GMDS: variants seen among roughly 807,000 people sequenced by gnomAD.
The protein encoded by GMDS is GDP-mannose 4,6-dehydratase, also known as GDP-mannose 4,6 dehydratase.
GMDS carries 20 observed loss-of-function variants against 49.9 expected under a neutral mutation model. That is an observed-to-expected ratio of 0.40 (90% CI 0.28 to 0.58). The LOEUF is 0.58. GMDS is among the 20% of genes least tolerant of loss of function. The probability of loss-of-function intolerance (pLI) is 0.42; values close to 1 mark genes in which losing one functional copy is unlikely to be tolerated. For synonymous variants in GMDS, 177 were observed against 178.6 expected, an observed-to-expected ratio of 0.99 and a Z score of 0.07; for missense variants, 362 against 481.4, an observed-to-expected ratio of 0.75 and a Z score of 2.32.
In GMDS at chr6:2,104,319, C is replaced by T. The variant is rs927692301; in HGVS notation, c.345+11452G>A. Among the ~76,000 whole-genome samples, 7 of 152,354 alleles carry T rather than the reference C, an allele frequency of 4.6e-5. No homozygotes were observed. The East Asian group carries it at 1.3e-3, about 29-fold the overall frequency. ...TATTACAGCTTCTCAGAGCCTTCTT[C>T]GTTCTCCTATATTCTTGTGTTATCA... On this transcript the variant is annotated intron_variant, in intron 4 of 10. Coordinates refer to ENST00000380815, the MANE Select transcript of GMDS (RefSeq NM_001500.4).
chr6:2,245,477 G>A lies in GMDS; in HGVS notation c.-55C>T. The A allele has an allele frequency of 2.9e-6, 3 of 1,043,016 alleles. No homozygotes were observed. Among genetic ancestry groups the A allele is most frequent in the Non-Finnish European group, 3.8e-6 (3 of 782,830 alleles). 64.6% of individuals were successfully genotyped at this position (1,043,016 alleles called of 1,614,324 possible). A position where few individuals can be genotyped will look rare whatever the true frequency, so the allele number is the denominator to read the frequency against. ...GGGCGGAGCGCGGCAGAGGGCAGGC[G>A]CGGTGCCGGCAGGAACGCGGGGGTG... On this transcript the variant is annotated 5_prime_UTR_variant, in exon 1 of 11. Coordinates refer to ENST00000380815, the MANE Select transcript of GMDS (RefSeq NM_001500.4).
intron 1 of GMDS, among the ~76,000 whole-genome samples, chr6:2,226,830 G>A (rs1780833564): frequency 6.6e-6 from 1 of 152,184 alleles, no homozygotes; most frequent in South Asian, 2.1e-4. Context: ...TCTTGAGGCT[G>A]GGATTTTCCT....
intron 7 of GMDS, among the ~76,000 whole-genome samples, chr6:1,816,824 T>C (rs928967015): frequency 6.6e-6 from 1 of 151,708 alleles, no homozygotes; most frequent in Non-Finnish European, 1.5e-5. Context: ...GGTGGAGGTC[T>C]TTCTTTTTGT....
intron 1 of GMDS, among the ~76,000 whole-genome samples, chr6:2,201,905 G>T (rs1354603068): frequency 2.8e-4 from 14 of 49,400 alleles, no homozygotes; most frequent in East Asian, 2.4e-3. Flanking sequence ...ATGTTAGCAG[G>T]GAGGTGAAGG....
chr6:2,077,317 G>A (rs561439502), intron 4 of GMDS, among the ~76,000 whole-genome samples: 53 of 152,204 alleles, frequency 3.5e-4, no homozygotes, highest in Non-Finnish European at 6.9e-4. Context: ...CCAGTGCCAT[G>A]TAGAATAGGA....
chr6:2,069,538 C>T (rs573789998), intron 4 of GMDS, among the ~76,000 whole-genome samples: 1 of 152,064 alleles, frequency 6.6e-6, no homozygotes, highest in East Asian at 1.9e-4. Flanking sequence ...GGCTAATATC[C>T]AGAATCTACA....
intron 6 of GMDS, among the ~76,000 whole-genome samples, chr6:1,935,579 G>A (rs1762488171): frequency 1.3e-5 from 2 of 152,008 alleles, no homozygotes; most frequent in South Asian, 4.1e-4. Flanking sequence ...TGAGATTGAG[G>A]AAAAATCAAA....
chr6:1,743,089 G>C (rs1344173168), intron 7 of GMDS, among the ~76,000 whole-genome samples: 2 of 152,058 alleles, frequency 1.3e-5, no homozygotes, highest in Admixed American at 6.6e-5. Flanking sequence ...AAGTTGAGAA[G>C]GTACTAGTCA....
At chr6:1,964,711 TG>T (rs1764161693) in intron 4 of GMDS, among the ~76,000 whole-genome samples, 1 of 152,198 alleles carries the variant, frequency 6.6e-6, no homozygotes, top group Non-Finnish European at 1.5e-5. Flanking sequence ...CTTTAAGTTT[TG>T]GGGTACATGT....
intron 1 of GMDS, among the ~76,000 whole-genome samples, chr6:2,139,446 T>C (rs1776172087): frequency 6.6e-6 from 1 of 152,208 alleles, no homozygotes; most frequent in Non-Finnish European, 1.5e-5. Flanking sequence ...GCTTCCATCT[T>C]AAAAATCCAG....
chr6:1,709,437 CCT>C (rs1561747064), intron 9 of GMDS, among the ~76,000 whole-genome samples: 1 of 152,240 alleles, frequency 6.6e-6, no homozygotes, highest in Non-Finnish European at 1.5e-5. Context: ...GGCCCAATTT[CCT>C]CATCTGACAT....
intron 4 of GMDS, among the ~76,000 whole-genome samples, chr6:2,032,633 G>A (rs527495486): frequency 6.6e-4 from 100 of 152,244 alleles, no homozygotes; most frequent in African/African-American, 2.3e-3. Flanking sequence ...AAACAAAGAT[G>A]TCGGCCCTTA....
intron 4 of GMDS, among the ~76,000 whole-genome samples, chr6:2,061,888 T>C (rs533703864): frequency 6.6e-6 from 1 of 152,276 alleles, no homozygotes; most frequent in Admixed American, 6.5e-5. Context: ...TTTATCTCAT[T>C]AGTCATTATT....
intron 1 of GMDS, among the ~76,000 whole-genome samples, chr6:2,171,999 T>C (rs1277448082): frequency 2.6e-5 from 4 of 151,928 alleles, no homozygotes; most frequent in Non-Finnish European, 5.9e-5. Flanking sequence ...GACTGTAGAA[T>C]TAAAAAAAGA....
At chr6:1,898,380 G>A (rs550166136) in intron 7 of GMDS, among the ~76,000 whole-genome samples, 133 of 152,344 alleles carry the variant, frequency 8.7e-4, no homozygotes, top group Non-Finnish European at 1.5e-3. Flanking sequence ...TCTTTAAGAT[G>A]AGGAAACTCA....
chr6:1,888,675 C>A (rs1759730710), intron 7 of GMDS, among the ~76,000 whole-genome samples: 1 of 152,312 alleles, frequency 6.6e-6, no homozygotes, highest in Non-Finnish European at 1.5e-5. Flanking sequence ...AGTCTTAATT[C>A]ATTCCAGCAT....
intron 1 of GMDS, among the ~76,000 whole-genome samples, chr6:2,201,378 A>C (rs1287067749): frequency 9.5e-6 from 1 of 105,594 alleles, no homozygotes; most frequent in African/African-American, 3.7e-5. Flanking sequence ...CACCACATGC[A>C]CATCTGAGAT....
intron 7 of GMDS, among the ~76,000 whole-genome samples, chr6:1,857,966 C>T (rs1758011304): frequency 6.6e-6 from 1 of 152,094 alleles, no homozygotes; most frequent in Non-Finnish European, 1.5e-5. Context: ...TGTTTATGAC[C>T]ATCAATGTCA....
intron 4 of GMDS, among the ~76,000 whole-genome samples, chr6:1,971,104 T>C (rs1764585370): frequency 6.6e-6 from 1 of 152,082 alleles, no homozygotes. Context: ...CCGGCAATGT[T>C]TGGGGAATAA....
Sources: allele counts gnomAD v4.1 joint callset (sites outside exome capture counted in the v4.1 genomes callset), GRCh38; gene constraint gnomAD v4.1.1; transcripts MANE v1.5; gene names NCBI Gene and HGNC (gene_info 2026-07-23, HGNC 2026-07-21).